Variants in CAMKMT observed in about 807,000 individuals in gnomAD.
The protein encoded by CAMKMT is calmodulin-lysine N-methyltransferase.
In CAMKMT, 53 loss-of-function variants were observed where a neutral mutation model predicts 48.0. The observed-to-expected ratio is 1.10, with a 90% confidence interval of 0.89 to 1.39. The LOEUF is 1.39. Ranked by LOEUF, CAMKMT falls within the 40% of genes most tolerant of loss-of-function variation. CAMKMT has a pLI of 0.00. For missense variants in CAMKMT, 428 were observed against 402.7 expected (o/e 1.06, Z -0.54); for synonymous variants, 165 against 152.3 (o/e 1.08, Z -0.61).
At chr2:44,510,201 A>G (rs1670470319) in intron 3 of CAMKMT, among the ~76,000 whole-genome samples, 1 of 152,180 alleles carries the variant, frequency 6.6e-6, no homozygotes, top group African/African-American at 2.4e-5. Flanking sequence ...CACATACTGC[A>G]TTTAGCTGTC....
In CAMKMT at chr2:44,472,115, G is replaced by A. The variant is rs187955623; in HGVS notation, c.376+81810G>A. Among the ~76,000 whole-genome samples the A allele has an allele frequency of 6.4e-3, 969 of 152,178 alleles. 3 individuals carry two copies. Among genetic ancestry groups the A allele is most frequent in the Non-Finnish European group, 0.01 (683 of 68,006 alleles). On this transcript the variant is annotated intron_variant, in intron 3 of 10. Coordinates refer to ENST00000378494, the MANE Select transcript of CAMKMT (RefSeq NM_024766.5). The stretch of plus-strand genomic sequence containing the variant: ...AGATGGAGTCTCGCTCTGTTGCCCC[G>A]GCTGGAGTGCAGTGGTACAATCTCG...
At chr2:44,462,175 T>G (rs1360687633) in intron 3 of CAMKMT, among the ~76,000 whole-genome samples, 1 of 152,108 alleles carries the variant, frequency 6.6e-6, no homozygotes, top group Non-Finnish European at 1.5e-5. Context: ...TTTCTAAATA[T>G]AATACACAGG....
intron 2 of CAMKMT, among the ~76,000 whole-genome samples, chr2:44,375,962 A>G (rs145448024): frequency 0.025 from 3,738 of 151,934 alleles, 169 homozygotes; most frequent in African/African-American, 0.086. Flanking sequence ...ATTTTTTTGT[A>G]TATTTAATAG....
At chr2:44,467,178 T>C (rs1285694850) in intron 3 of CAMKMT, among the ~76,000 whole-genome samples, 2 of 151,962 alleles carry the variant, frequency 1.3e-5, no homozygotes, top group African/African-American at 4.8e-5. Flanking sequence ...TGCTTGAGCC[T>C]GGGAGGTCAA....
At chr2:44,521,263 T>C (rs1172439746) in intron 3 of CAMKMT, among the ~76,000 whole-genome samples, 1 of 152,168 alleles carries the variant, frequency 6.6e-6, no homozygotes, top group African/African-American at 2.4e-5. Flanking sequence ...TGACTTTATG[T>C]TGTAGGCACT....
chr2:44,615,866 C>T (rs1334207179), intron 3 of CAMKMT, among the ~76,000 whole-genome samples: 1 of 152,048 alleles, frequency 6.6e-6, no homozygotes. Flanking sequence ...GGGAAGACTC[C>T]AGGCAGAGGC....
chr2:44,397,453 C>T (rs1291290642), intron 3 of CAMKMT, among the ~76,000 whole-genome samples: 1 of 152,176 alleles, frequency 6.6e-6, no homozygotes, highest in Non-Finnish European at 1.5e-5. Flanking sequence ...TCGTAATGTA[C>T]ATGTAGTCTT....
chr2:44,445,134 CG>C (rs1666904494), intron 3 of CAMKMT, among the ~76,000 whole-genome samples: 1 of 152,102 alleles, frequency 6.6e-6, no homozygotes, highest in African/African-American at 2.4e-5. Flanking sequence ...AATGAGGTCC[CG>C]GGAACTCCAA....
At chr2:44,422,392 A>G (rs1486876134) in intron 3 of CAMKMT, among the ~76,000 whole-genome samples, 1 of 152,188 alleles carries the variant, frequency 6.6e-6, no homozygotes, top group African/African-American at 2.4e-5. Context: ...TTATGTAGAA[A>G]TAAATTTGCT....
intron 10 of CAMKMT, among the ~76,000 whole-genome samples, chr2:44,768,361 A>ATATATATATTTTTT (rs35058824): frequency 1.7e-5 from 2 of 115,742 alleles, no homozygotes; most frequent in African/African-American, 3.7e-5. Context: ...ATATATATAT[A>ATATATATATTTTTT]TTTTTTTTTT....
chr2:44,658,873 A>G (rs1017998755), intron 3 of CAMKMT, among the ~76,000 whole-genome samples: 1 of 152,096 alleles, frequency 6.6e-6, no homozygotes, highest in African/African-American at 2.4e-5. Flanking sequence ...TTGGACTGCT[A>G]GCAAACATGG....
intron 3 of CAMKMT, among the ~76,000 whole-genome samples, chr2:44,443,709 T>C (rs1315151934): frequency 6.6e-6 from 1 of 152,172 alleles, no homozygotes; most frequent in East Asian, 1.9e-4. Context: ...GAGCTTGACT[T>C]CTTCATGTCT....
intron 3 of CAMKMT, among the ~76,000 whole-genome samples, chr2:44,555,590 T>G (rs1667964151): frequency 6.6e-6 from 1 of 152,136 alleles, no homozygotes; most frequent in African/African-American, 2.4e-5. Flanking sequence ...GAAATTGATT[T>G]GGGAGTCATC....
chr2:44,544,221 T>A (rs945963808), intron 3 of CAMKMT, among the ~76,000 whole-genome samples: 3 of 152,144 alleles, frequency 2.0e-5, no homozygotes, highest in Non-Finnish European at 4.4e-5. Flanking sequence ...AATGATTATT[T>A]CAGTGATTAC....
chr2:44,520,367 G>A (rs965839409), intron 3 of CAMKMT, among the ~76,000 whole-genome samples: 5 of 152,024 alleles, frequency 3.3e-5, no homozygotes, highest in South Asian at 2.1e-4. Flanking sequence ...TCCGCCTGCC[G>A]TGGACTCCCA....
At chr2:44,384,117 A>C (rs1369220852) in intron 2 of CAMKMT, among the ~76,000 whole-genome samples, 1 of 152,154 alleles carries the variant, frequency 6.6e-6, no homozygotes, top group Non-Finnish European at 1.5e-5. Context: ...CCCTGATCAC[A>C]GCATCCACGC....
intron 3 of CAMKMT, among the ~76,000 whole-genome samples, chr2:44,577,865 C>G (rs1289697134): frequency 1.3e-5 from 2 of 152,194 alleles, no homozygotes; most frequent in African/African-American, 4.8e-5. Context: ...TAGTTTTACA[C>G]CCCGCTTGTA....
chr2:44,435,572 A>G (rs1178795891), intron 3 of CAMKMT, among the ~76,000 whole-genome samples: 2 of 152,244 alleles, frequency 1.3e-5, no homozygotes, highest in Non-Finnish European at 2.9e-5. Flanking sequence ...AATGAAATAA[A>G]GGTGATCCGA....
At chr2:44,496,740 G>A (rs1168313159) in intron 3 of CAMKMT, among the ~76,000 whole-genome samples, 1 of 152,198 alleles carries the variant, frequency 6.6e-6, no homozygotes, top group Non-Finnish European at 1.5e-5. Flanking sequence ...TGGTGTTCCA[G>A]TTTTGGGCTT....
Sources: allele counts gnomAD v4.1 joint callset (sites outside exome capture counted in the v4.1 genomes callset), GRCh38; gene constraint gnomAD v4.1.1; transcripts MANE v1.5; gene names NCBI Gene and HGNC (gene_info 2026-07-23, HGNC 2026-07-21).